ATRNL1: variants seen among roughly 807,000 people sequenced by gnomAD.
ATRNL1 encodes attractin-like protein 1.
A neutral mutation model predicts 182.7 loss-of-function variants in ATRNL1; 95 were observed. That is an observed-to-expected ratio of 0.52 (90% CI 0.44 to 0.62). The LOEUF (loss-of-function observed/expected upper bound fraction) is 0.62, where lower values mean the gene tolerates loss of function less well. Ranked by LOEUF, ATRNL1 falls within the 20% of genes least tolerant of loss-of-function variation. The probability of loss-of-function intolerance (pLI) is 0.00; values close to 1 mark genes in which losing one functional copy is unlikely to be tolerated. For missense variants in ATRNL1, 1,471 were observed against 1,679.5 expected (o/e 0.88, Z 2.17); for synonymous variants, 576 against 568.3 (o/e 1.01, Z -0.19).
intron 28 of ATRNL1, among the ~76,000 whole-genome samples, chr10:115,921,557 C>T (rs935094077): frequency 2.0e-5 from 3 of 152,150 alleles, no homozygotes; most frequent in African/African-American, 7.2e-5. Flanking sequence ...CCCCATATTT[C>T]TGGTTTTCAC....
At chr10:115,500,405 A>G (rs1322626238) in intron 24 of ATRNL1, among the ~76,000 whole-genome samples, 1 of 152,150 alleles carries the variant, frequency 6.6e-6, no homozygotes, top group African/African-American at 2.4e-5. Context: ...ACATTAGGCA[A>G]GACTAGAATC....
intron 28 of ATRNL1, among the ~76,000 whole-genome samples, chr10:115,857,018 C>G (rs570313262): frequency 2.0e-5 from 3 of 152,102 alleles, no homozygotes; most frequent in Admixed American, 6.5e-5. Flanking sequence ...TTCTCCTCCT[C>G]CTTCTCTGCT....
At chr10:115,552,503 A>G (rs1554995788) in intron 26 of ATRNL1, among the ~76,000 whole-genome samples, 1 of 151,392 alleles carries the variant, frequency 6.6e-6, no homozygotes, top group Non-Finnish European at 1.5e-5. Context: ...CAGCAGTTAT[A>G]CTAGTTGCTT....
Position 115,223,929 on chromosome 10 carries a change from A to ATATATATTTT in ATRNL1, c.1532+8050_1532+8051insATATATTTTT, listed in dbSNP as rs1420143943. ...TGTGTGTGTGTATATATATATATAT[A>ATATATATTTT]TTTTTTTTTTTTTTTTTTTTCTTTG... On this transcript the variant is annotated intron_variant, in intron 9 of 28. Transcript: ENST00000355044. Among the ~76,000 whole-genome samples, 87 of 44,716 alleles carry ATATATATTTT rather than the reference A, an allele frequency of 1.9e-3. 4 individuals are homozygous for ATATATATTTT. Among genetic ancestry groups the ATATATATTTT allele is most frequent in the Non-Finnish European group, 3.1e-3 (69 of 22,272 alleles). 29.3% of individuals were successfully genotyped at this position (44,716 alleles called of 152,430 possible). A position where few individuals can be genotyped will look rare whatever the true frequency, so the allele number is the denominator to read the frequency against.
intron 19 of ATRNL1, among the ~76,000 whole-genome samples, chr10:115,392,236 T>G (rs1159504358): frequency 6.6e-6 from 1 of 152,166 alleles, no homozygotes; most frequent in East Asian, 1.9e-4. Flanking sequence ...TTTTCAGATT[T>G]TTTCTTATAT....
rs555059828 is a variant in ATRNL1 at position 115,849,786 on chromosome 10, A to G, written c.4018+1795A>G. On this transcript the variant is annotated intron_variant, in intron 28 of 28. Transcript: ENST00000355044. ...GGGGAGAGGGGATACTAGAGTATAG[A>G]GCAAAAGAATAAAAAATACTTACTG... Among the ~76,000 whole-genome samples, 4 of 152,292 alleles carry G rather than the reference A, an allele frequency of 2.6e-5. No individual in the cohort carries two copies. The South Asian group carries it at 6.2e-4, about 24-fold the overall frequency.
At chr10:115,527,130 TC>T (rs35207261) in intron 25 of ATRNL1, among the ~76,000 whole-genome samples, 53,733 of 117,754 alleles carry the variant, frequency 0.46, 11,031 homozygotes, top group Middle Eastern at 0.54. Flanking sequence ...TTTTTTTTTT[TC>T]CCCCCCGAGA....
chr10:115,333,849 C>A (rs1193615854), intron 18 of ATRNL1, among the ~76,000 whole-genome samples: 2 of 152,058 alleles, frequency 1.3e-5, no homozygotes, highest in Non-Finnish European at 2.9e-5. Context: ...AATCTATTGC[C>A]ACACTATTTT....
chr10:115,643,491 G>C (rs1555031214), intron 26 of ATRNL1, among the ~76,000 whole-genome samples: 1 of 151,974 alleles, frequency 6.6e-6, no homozygotes, highest in Non-Finnish European at 1.5e-5. Flanking sequence ...GAATTACAAA[G>C]TAATAATGAA....
At chr10:115,561,272 A>G (rs1259414396) in intron 26 of ATRNL1, among the ~76,000 whole-genome samples, 1 of 152,204 alleles carries the variant, frequency 6.6e-6, no homozygotes, top group Admixed American at 6.5e-5. Context: ...CTACATATGC[A>G]AAGGACTCTT....
At chr10:115,200,072 A>G (rs1474937105) in intron 8 of ATRNL1, among the ~76,000 whole-genome samples, 1 of 152,092 alleles carries the variant, frequency 6.6e-6, no homozygotes, top group Non-Finnish European at 1.5e-5. Flanking sequence ...GAACTAATCT[A>G]GTGATTAAAA....
intron 8 of ATRNL1, among the ~76,000 whole-genome samples, chr10:115,214,898 T>G (rs570481093): frequency 3.3e-5 from 5 of 152,270 alleles, no homozygotes; most frequent in African/African-American, 7.2e-5. Context: ...TTAGAAGGAC[T>G]AGAGATACCA....
At chr10:115,749,788 T>C (rs1305655233) in intron 27 of ATRNL1, among the ~76,000 whole-genome samples, 1 of 151,736 alleles carries the variant, frequency 6.6e-6, no homozygotes, top group East Asian at 1.9e-4. Context: ...ATCTCTAACA[T>C]AAAAAAAATT....
At chr10:115,587,199 G>C (rs1163469192) in intron 26 of ATRNL1, among the ~76,000 whole-genome samples, 1 of 151,406 alleles carries the variant, frequency 6.6e-6, no homozygotes, top group Non-Finnish European at 1.5e-5. Context: ...GGTTACTGCT[G>C]TCTTTTTGTT....
intron 27 of ATRNL1, among the ~76,000 whole-genome samples, chr10:115,784,921 A>G (rs782554796): frequency 6.6e-6 from 1 of 152,192 alleles, no homozygotes; most frequent in Non-Finnish European, 1.5e-5. Flanking sequence ...AACCCAGTAC[A>G]GGGACTCTCT....
chr10:115,673,989 A>C (rs557030926), intron 26 of ATRNL1, among the ~76,000 whole-genome samples: 1 of 152,096 alleles, frequency 6.6e-6, no homozygotes, highest in East Asian at 1.9e-4. Flanking sequence ...ACGAGCCAGC[A>C]CTACACTTAA....
At chr10:115,474,970 A>C (rs1848470277) in intron 24 of ATRNL1, among the ~76,000 whole-genome samples, 1 of 151,280 alleles carries the variant, frequency 6.6e-6, no homozygotes, top group South Asian at 2.1e-4. Flanking sequence ...CTAGGTGATA[A>C]TGTGCACAGA....
At chr10:115,501,991 AAG>A (rs1849865201) in intron 24 of ATRNL1, among the ~76,000 whole-genome samples, 2 of 150,260 alleles carry the variant, frequency 1.3e-5, no homozygotes, top group African/African-American at 2.4e-5. Flanking sequence ...GGACTAAAAG[AAG>A]ACAACAATTG....
chr10:115,215,797 T>C lies in ATRNL1; in HGVS notation c.1449T>C (p.Val483=), dbSNP rs201140053. Residue 483 remains valine, a synonymous_variant, in exon 9 of 29, where the codon GTT becomes GTC. Transcript: ENST00000355044. ...ATGAAATAACAAAGTCCATTTATGT[T>C]CATGGAGGGTATAAAGCATTGCCAG... ...VYDEITKSIY[V]HGGYKALPGN... 3.1e-6 allele frequency: 5 copies of C among 1,609,226 alleles called. No homozygotes were observed. In the African/African-American group the frequency reaches 6.7e-5, roughly 22 times the overall value.
Sources: gnomAD v4.1 joint callset for allele counts (sites outside exome capture counted in the v4.1 genomes callset) on GRCh38, gnomAD v4.1.1 for gene constraint, MANE v1.5 for transcripts, NCBI Gene and HGNC (gene_info 2026-07-23, HGNC 2026-07-21) for gene names.